Variants in CTTN observed in about 807,000 individuals in gnomAD.
CTTN encodes the protein cortactin.
In CTTN, 28 loss-of-function variants were observed where a neutral mutation model predicts 84.0. The observed-to-expected ratio is 0.33, with a 90% CI of 0.25 to 0.46. CTTN has a LOEUF of 0.46. Ranked by LOEUF, CTTN falls within the 20% of genes least tolerant of loss-of-function variation. CTTN has a pLI of 1.00. For missense variants in CTTN, 641 were observed against 723.8 expected (o/e 0.89, Z 1.31); for synonymous variants, 301 against 288.8 (o/e 1.04, Z -0.43).
chr11:70,407,859 A>C, intron 4 of CTTN: 1 of 443,422 alleles, frequency 2.3e-6, no homozygotes, highest in Non-Finnish European at 4.0e-6. Context: ...TTATAATTTT[A>C]GAGTGTCCGC....
At position 70,424,136 on chromosome 11, in the gene CTTN, G is replaced by T. The variant is rs147149231; in HGVS notation, c.957+1141G>T. The stretch of plus-strand genomic sequence containing the variant: ...CGGGGCCGGGTCCGGGTGGCGTGCA[G>T]AGTTGGGAGGGGAGTAGGCACGCGG... On this transcript the variant is annotated intron_variant, in intron 12 of 17. Coordinates refer to ENST00000301843, the MANE Select transcript of CTTN (RefSeq NM_005231.4). Among the ~76,000 whole-genome samples, 677 of 152,268 alleles carry T rather than the reference G, an allele frequency of 4.4e-3. 5 individuals are homozygous for T. Among genetic ancestry groups the T allele is most frequent in the Non-Finnish European group, 6.9e-3 (472 of 68,008 alleles).
At chr11:70,431,738 T>C (rs905564672) in intron 15 of CTTN, among the ~76,000 whole-genome samples, 2 of 152,102 alleles carry the variant, frequency 1.3e-5, no homozygotes, top group African/African-American at 2.4e-5. Context: ...CAGCCCCTCA[T>C]GAGTGTGGCT....
At position 70,436,574 on chromosome 11, in the gene CTTN, C is replaced by T. The variant is rs2058419573; in HGVS notation, c.*1412C>T. 1 of 656,932 alleles carries T rather than the reference C, an allele frequency of 1.5e-6. No homozygotes were observed. The highest frequency in any genetic ancestry group is 1.8e-5 in the African/African-American group (1 of 54,794). The allele number at this position is 656,932 out of a possible 1,614,324, so 40.7% of individuals were successfully genotyped here. Reference sequence around the variant, plus strand: ...AATTCAGAATAAACATTTTTTGATCCACTTGCGTGATTTGCTTTGGTCTGT... The same window carrying T: ...AATTCAGAATAAACATTTTTTGATCTACTTGCGTGATTTGCTTTGGTCTGT... On this transcript the variant is annotated 3_prime_UTR_variant, in exon 18 of 18. Transcript: ENST00000301843.
At chr11:70,421,060 A>C (rs1426578295) in intron 10 of CTTN, among the ~76,000 whole-genome samples, 1 of 152,140 alleles carries the variant, frequency 6.6e-6, no homozygotes, top group Non-Finnish European at 1.5e-5. Context: ...TCTCAGTGTG[A>C]CCCAGCCCTG....
intron 8 of CTTN, 73 bp from the exon 9 acceptor site, chr11:70,419,672 CA>C: frequency 7.7e-7 from 1 of 1,305,972 alleles, no homozygotes; most frequent in Non-Finnish European, 1.1e-6. Flanking sequence ...TTTTTTTAAT[CA>C]AAGGATAAAA....
At chr11:70,421,399 C>T (rs2058234710) in intron 10 of CTTN, 71 bp from the exon 11 acceptor site, 6 of 1,091,530 alleles carry the variant, frequency 5.5e-6, no homozygotes, top group Non-Finnish European at 4.2e-6. Context: ...TTTGCGCATG[C>T]TCATGCAATT....
Position 70,410,265 on chromosome 11 carries a change from C to G in CTTN, c.291+305C>G, listed in dbSNP as rs1390759451. The stretch of plus-strand genomic sequence containing the variant: ...ACAGAAGTCCAGAAGCATCCTGGCT[C>G]TAGGTGTCATCACTGTCAATGCCTG... On this transcript the variant is annotated intron_variant, in intron 5 of 17. Transcript: ENST00000301843. 4.9e-5 allele frequency: 14 copies of G among 288,156 alleles called. No homozygotes were observed. The Middle Eastern group carries it at 4.7e-3, about 97-fold the overall frequency. 17.8% of individuals were successfully genotyped at this position (288,156 alleles called of 1,614,324 possible).
chr11:70,420,845 G>T (rs1175059808), intron 10 of CTTN, among the ~76,000 whole-genome samples: 1 of 150,918 alleles, frequency 6.6e-6, no homozygotes, highest in Non-Finnish European at 1.5e-5. Flanking sequence ...GGGAGTGGGG[G>T]CATGTGTCAG....
At chr11:70,432,492 T>G (rs1253294298) in intron 15 of CTTN, among the ~76,000 whole-genome samples, 1 of 152,222 alleles carries the variant, frequency 6.6e-6, no homozygotes, top group East Asian at 1.9e-4. Context: ...GTCAGAAACA[T>G]TGATTAAAGC....
intron 13 of CTTN, among the ~76,000 whole-genome samples, chr11:70,427,889 T>A (rs536297801): frequency 2.1e-5 from 3 of 145,084 alleles, no homozygotes; most frequent in African/African-American, 7.3e-5. Flanking sequence ...ACTTGAAAGC[T>A]GGAATTTTCC....
At chr11:70,420,589 T>A in intron 10 of CTTN, 79 bp downstream of exon 10, 1 of 986,340 alleles carries the variant, frequency 1.0e-6, no homozygotes. Context: ...GTATGTGTTG[T>A]GTCTGCGTGT....
Position 70,409,844 on chromosome 11 carries a change from A to T in CTTN, c.175A>T (p.Arg59Trp). ...TCTTCCATCAAGCATACACAAGCTG[A>T]GGGAGAATGTCTTTCAAGAGCATCA... ...HQEHINIHKL[R>W]ENVFQEHQTL... The change falls in exon 5 of 18, where the codon AGG (arginine) becomes TGG (tryptophan). Residue 59 changes from arginine (R) to tryptophan (W), a missense_variant. Around this residue, in one of 3 missense-constraint regions of CTTN, gnomAD observed 284 missense variants for 348.4 expected, o/e 0.82. Transcript: ENST00000301843. 1 of 1,614,114 alleles carries T rather than the reference A, an allele frequency of 6.2e-7. No individual in the cohort carries two copies. Among genetic ancestry groups the T allele is most frequent in the South Asian group, 1.1e-5 (1 of 91,076 alleles).
intron 4 of CTTN, among the ~76,000 whole-genome samples, chr11:70,408,832 GGGA>G (rs879825509): frequency 6.6e-6 from 1 of 152,166 alleles, no homozygotes; most frequent in Non-Finnish European, 1.5e-5. Flanking sequence ...GGGCTGACTT[GGGA>G]GTCCACTGTA....
chr11:70,404,079 G>A (rs949307392), intron 1 of CTTN, among the ~76,000 whole-genome samples: 4 of 152,126 alleles, frequency 2.6e-5, no homozygotes, highest in Admixed American at 2.0e-4. Flanking sequence ...GATGCTTGCC[G>A]ATTACACTAA....
At position 70,436,116 on chromosome 11, in the gene CTTN, T is replaced by C; in HGVS notation, c.*954T>C. The C allele has an allele frequency of 7.0e-7, 1 of 1,431,018 alleles. No individual in the cohort carries two copies. The highest frequency in any genetic ancestry group is 9.1e-7 in the Non-Finnish European group (1 of 1,098,144). 88.6% of individuals were successfully genotyped at this position (1,431,018 alleles called of 1,614,324 possible). A position where few individuals can be genotyped will look rare whatever the true frequency, so the allele number is the denominator to read the frequency against. On this transcript the variant is annotated 3_prime_UTR_variant, in exon 18 of 18. Transcript: ENST00000301843. ...TGAGCCGCCAGGAACCCTCCTCCTG[T>C]CAATGGGGGTGTAGTATTTTTGCCA...
chr11:70,412,904 T>C (rs574406570), intron 5 of CTTN, among the ~76,000 whole-genome samples: 1 of 152,368 alleles, frequency 6.6e-6, no homozygotes, highest in Admixed American at 6.5e-5. Context: ...GGCATGTCTT[T>C]AGATCAGTTT....
chr11:70,413,847 T>A (rs2135564811), intron 5 of CTTN, among the ~76,000 whole-genome samples: 1 of 152,302 alleles, frequency 6.6e-6, no homozygotes, highest in African/African-American at 2.4e-5. Context: ...GCCGATTCTT[T>A]GGTCATGTGA....
At chr11:70,400,413 G>A (rs907160036) in intron 1 of CTTN, among the ~76,000 whole-genome samples, 2 of 151,964 alleles carry the variant, frequency 1.3e-5, no homozygotes, top group African/African-American at 2.4e-5. Context: ...CATTGAGCTC[G>A]ATCGCACCAC....
intron 10 of CTTN, 75 bp downstream of exon 10, chr11:70,420,585 G>T: frequency 2.8e-6 from 3 of 1,072,008 alleles, no homozygotes; most frequent in Non-Finnish European, 4.3e-6. Flanking sequence ...GTTGGTATGT[G>T]TTGTGTCTGC....
Sources: gnomAD v4.1 joint callset for allele counts (sites outside exome capture counted in the v4.1 genomes callset) on GRCh38, gnomAD v4.1.1 for gene constraint, gnomAD v4.1.1 regional missense constraint, MANE v1.5 for transcripts, NCBI Gene and HGNC (gene_info 2026-07-23, HGNC 2026-07-21) for gene names.